TYW1: variants seen among roughly 807,000 people sequenced by gnomAD.
TYW1 encodes the protein S-adenosyl-L-methionine-dependent tRNA 4-demethylwyosine synthase TYW1.
Under a neutral mutation model 96.2 loss-of-function variants are expected in TYW1, and 46 were observed. The observed-to-expected ratio is 0.48, with a 90% CI of 0.38 to 0.61. The LOEUF (loss-of-function observed/expected upper bound fraction) is 0.61, where lower values mean the gene tolerates loss of function less well. Ranked by LOEUF, TYW1 falls within the 20% of genes least tolerant of loss-of-function variation. TYW1 has a pLI of 0.00. For synonymous variants in TYW1, 274 were observed against 323.0 expected (o/e 0.85, Z 1.63); for missense variants, 684 against 909.6 (o/e 0.75, Z 3.19).
chr7:67,076,048 G>T (rs1416852377), intron 10 of TYW1, among the ~76,000 whole-genome samples: 3 of 152,202 alleles, frequency 2.0e-5, no homozygotes, highest in Non-Finnish European at 1.5e-5. Context: ...TTAAGTCGTA[G>T]CCTATTCCTC....
intron 10 of TYW1, among the ~76,000 whole-genome samples, chr7:67,076,603 G>A (rs1474509677): frequency 6.6e-6 from 1 of 150,506 alleles, no homozygotes; most frequent in Non-Finnish European, 1.5e-5. Flanking sequence ...AGCCTCCCAA[G>A]TAGCTGGGAT....
At chr7:67,017,660 A>G (rs1392975669) in intron 5 of TYW1, among the ~76,000 whole-genome samples, 193 bp from the exon 6 acceptor site, 1 of 152,148 alleles carries the variant, frequency 6.6e-6, no homozygotes, top group South Asian at 2.1e-4. Context: ...GAAAAGTAGA[A>G]TACATAAAAT....
intron 14 of TYW1, among the ~76,000 whole-genome samples, chr7:67,190,054 G>T (rs1196387886): frequency 6.6e-6 from 1 of 151,690 alleles, no homozygotes; most frequent in Non-Finnish European, 1.5e-5. Context: ...AGAATAGGAC[G>T]TGCTCAGTAA....
At chr7:67,176,455 G>A (rs1406202253) in intron 13 of TYW1, among the ~76,000 whole-genome samples, 3 of 152,132 alleles carry the variant, frequency 2.0e-5, no homozygotes, top group Admixed American at 6.6e-5. Context: ...TAGCCAAAAG[G>A]CCAAGAAGCG....
chr7:67,080,940 GTTTT>G (rs71049495), intron 10 of TYW1, among the ~76,000 whole-genome samples: 44 of 37,240 alleles, frequency 1.2e-3, no homozygotes, highest in Admixed American at 3.0e-3. Context: ...CTTTCTTACT[GTTTT>G]TTTTTTTTTT....
intron 11 of TYW1, among the ~76,000 whole-genome samples, chr7:67,084,007 C>T (rs1157983641): frequency 1.3e-5 from 2 of 152,166 alleles, no homozygotes; most frequent in Non-Finnish European, 2.9e-5. Flanking sequence ...TCCACTCCAA[C>T]CTGGGCAAAA....
At chr7:67,038,098 C>T (rs886721541) in intron 7 of TYW1, among the ~76,000 whole-genome samples, 11 of 151,420 alleles carry the variant, frequency 7.3e-5, no homozygotes, top group African/African-American at 2.4e-4. Flanking sequence ...GTCAGGAGTT[C>T]GAGACCAGCC....
intron 8 of TYW1, among the ~76,000 whole-genome samples, chr7:67,050,557 A>C (rs1412361731): frequency 6.6e-6 from 1 of 152,092 alleles, no homozygotes; most frequent in Non-Finnish European, 1.5e-5. Flanking sequence ...TATATTTATG[A>C]GAGGCCTTTT....
At chr7:67,072,207 G>T (rs1221086321) in intron 10 of TYW1, among the ~76,000 whole-genome samples, 1 of 145,658 alleles carries the variant, frequency 6.9e-6, no homozygotes, top group Non-Finnish European at 1.5e-5. Context: ...ACAGCAAGTT[G>T]TTCATGTACC....
chr7:67,013,739 CTTTTTTTTTTTTTTTTT>C (rs931500833), intron 4 of TYW1, among the ~76,000 whole-genome samples: 1 of 97,516 alleles, frequency 1.0e-5, no homozygotes, highest in Non-Finnish European at 1.9e-5. Context: ...GCATTTTTTC[CTTTTTTTTTTTTTTTTT>C]TTTTTGAGAT....
chr7:67,014,495 C>T lies in TYW1; in HGVS notation c.504C>T (p.Tyr168=), dbSNP rs1284594819. The stretch of plus-strand genomic sequence containing the variant: ...TTGATTTTCGATTTGGCAAAACTTA[C>T]CTGAAGGGTATGAGATATGCGGTAT... ...ASIDFRFGKT[Y]LKGMRYAVFG... Residue 168 remains tyrosine (Y), a synonymous_variant, in exon 5 of 16, where the codon TAC becomes TAT. Coordinates refer to ENST00000359626, the MANE Select transcript of TYW1 (RefSeq NM_018264.4). 2.5e-6 allele frequency: 4 copies of T among 1,613,906 alleles called. No homozygotes were observed. The South Asian group carries it at 3.3e-5, about 13-fold the overall frequency.
At chr7:67,162,313 C>CTA (rs1799187472) in intron 13 of TYW1, among the ~76,000 whole-genome samples, 1 of 102,172 alleles carries the variant, frequency 9.8e-6, no homozygotes, top group African/African-American at 3.4e-5. Flanking sequence ...GACTCTGTCT[C>CTA]AAAAAAAAAA....
At chr7:67,058,714 G>A (rs926490840) in intron 9 of TYW1, among the ~76,000 whole-genome samples, 1 of 152,006 alleles carries the variant, frequency 6.6e-6, no homozygotes, top group Non-Finnish European at 1.5e-5. Flanking sequence ...GGACTCAGGT[G>A]ATCTGCCTGC....
rs201692947 is a variant in TYW1 at position 67,044,111 on chromosome 7, G to GTT, written c.985-5820_985-5819dup. Among the ~76,000 whole-genome samples, 257 of 124,556 alleles carry GTT rather than the reference G, an allele frequency of 2.1e-3. 5 individuals are homozygous for GTT. The highest frequency in any genetic ancestry group is 2.7e-3 in the South Asian group (10 of 3,732). 81.7% of individuals were successfully genotyped at this position (124,556 alleles called of 152,430 possible). On this transcript the variant is annotated intron_variant, in intron 7 of 15. Transcript: ENST00000359626. The stretch of plus-strand genomic sequence containing the variant: ...CATGTATAATTAAGCATGAATAAGA[G>GTT]TTTTTTTTTTTTTTTTTTTGAGATG...
intron 15 of TYW1, among the ~76,000 whole-genome samples, chr7:67,209,067 G>T (rs1422618255): frequency 6.6e-6 from 1 of 152,212 alleles, no homozygotes; most frequent in Non-Finnish European, 1.5e-5. Context: ...TAGTGGCTAG[G>T]ATAGTAAGTA....
chr7:67,206,199 G>T (rs1381735772), intron 15 of TYW1, among the ~76,000 whole-genome samples: 1 of 152,176 alleles, frequency 6.6e-6, no homozygotes, highest in Non-Finnish European at 1.5e-5. Flanking sequence ...CCCAGTTAAG[G>T]TTGTATGGCT....
Position 66,998,112 on chromosome 7 carries a change from T to G in TYW1, c.52T>G (p.Trp18Gly). ...WDLFSPLISL[W>G]INRFYIYLGF... The stretch of plus-strand genomic sequence containing the variant: ...CCTCTTCTCACCTTTAATATCATTA[T>G]GGATAAACAGGTTTTACATTTATTT... Residue 18 changes from tryptophan to glycine, a missense_variant, in exon 2 of 16, where the codon TGG (tryptophan) becomes GGG (glycine). Physicochemically the swap from Trp to Gly is radical, Grantham distance 184 (BLOSUM62 -2). Transcript: ENST00000359626. 3 of 1,612,182 alleles carry G rather than the reference T, an allele frequency of 1.9e-6. No homozygotes were observed. The highest frequency in any genetic ancestry group is 2.5e-6 in the Non-Finnish European group (3 of 1,179,562).
intron 13 of TYW1, among the ~76,000 whole-genome samples, chr7:67,160,179 T>A (rs1799119210): frequency 6.6e-6 from 1 of 152,136 alleles, no homozygotes; most frequent in African/African-American, 2.4e-5. Context: ...GGCGAATCCC[T>A]TGAGCCCAGG....
At chr7:67,148,349 T>TA (rs1277997565) in intron 13 of TYW1, among the ~76,000 whole-genome samples, 38 of 144,470 alleles carry the variant, frequency 2.6e-4, no homozygotes, top group Admixed American at 9.0e-4. Context: ...GTCGTAAGAT[T>TA]AAAAAAAAAA....
Sources: gnomAD v4.1 joint callset for allele counts (sites outside exome capture counted in the v4.1 genomes callset) on GRCh38, gnomAD v4.1.1 for gene constraint, MANE v1.5 for transcripts, NCBI Gene and HGNC (gene_info 2026-07-23, HGNC 2026-07-21) for gene names.